The following CADPS variants were observed in gnomAD, a reference collection of about 807,000 sequenced individuals.
CADPS encodes the protein calcium dependent secretion activator, also known as calcium-dependent secretion activator 1.
In CADPS, 57 loss-of-function variants were observed where a neutral mutation model predicts 167.3. The observed-to-expected ratio is 0.34, with a 90% CI of 0.28 to 0.42. The LOEUF is 0.42. Ranked by LOEUF, CADPS falls within the 20% of genes least tolerant of loss-of-function variation. The probability of loss-of-function intolerance (pLI) is 1.00; values close to 1 mark genes in which losing one functional copy is unlikely to be tolerated. For synonymous variants in CADPS, 676 were observed against 635.3 expected, an observed-to-expected ratio of 1.06 and a Z score of -0.96; for missense variants, 1,414 against 1,738.1, an observed-to-expected ratio of 0.81 and a Z score of 3.32.
At chr3:62,832,198 G>A (rs914920826) in intron 1 of CADPS, among the ~76,000 whole-genome samples, 6 of 152,162 alleles carry the variant, frequency 3.9e-5, no homozygotes, top group African/African-American at 1.2e-4. Flanking sequence ...AATCTTGGCT[G>A]CATTTTAGAA....
intron 1 of CADPS, among the ~76,000 whole-genome samples, chr3:62,801,387 T>A (rs2093753772): frequency 6.6e-6 from 1 of 152,148 alleles, no homozygotes; most frequent in Non-Finnish European, 1.5e-5. Flanking sequence ...GCCATAGGGA[T>A]GATGTTAAAG....
chr3:62,761,545 A>G (rs988592528), intron 2 of CADPS, among the ~76,000 whole-genome samples: 1 of 151,904 alleles, frequency 6.6e-6, no homozygotes, highest in Non-Finnish European at 1.5e-5. Context: ...TTTTCTTGCA[A>G]ATACCCCCAT....
chr3:62,799,419 T>C (rs986082368), intron 1 of CADPS, among the ~76,000 whole-genome samples: 1 of 152,142 alleles, frequency 6.6e-6, no homozygotes, highest in Non-Finnish European at 1.5e-5. Flanking sequence ...TGAAACACTC[T>C]TCCTTGATAT....
At chr3:62,820,054 C>T (rs190807784) in intron 1 of CADPS, among the ~76,000 whole-genome samples, 188 of 151,716 alleles carry the variant, frequency 1.2e-3, no homozygotes, top group Middle Eastern at 6.8e-3. Context: ...CATGCACACA[C>T]GATACAAATA....
Position 62,720,013 on chromosome 3 carries a change from A to G in CADPS, c.888+33428T>C, listed in dbSNP as rs2075440159. On this transcript the variant is annotated intron_variant, in intron 3 of 29. Coordinates refer to ENST00000383710, the MANE Select transcript of CADPS (RefSeq NM_003716.4). ...AACGGGGCTGCACCATCAGCCTGGGACATAGGATAACAGAGTCTCTGTCAA... is the reference window on the plus strand; with the variant it reads ...AACGGGGCTGCACCATCAGCCTGGGGCATAGGATAACAGAGTCTCTGTCAA... 3.3e-5 allele frequency among the ~76,000 whole-genome samples: 5 copies of G among 152,298 alleles called. No individual in the cohort carries two copies. The South Asian group carries it at 8.3e-4, about 25-fold the overall frequency.
At chr3:62,416,733 G>A (rs1381559568) in intron 28 of CADPS, among the ~76,000 whole-genome samples, 1 of 152,292 alleles carries the variant, frequency 6.6e-6, no homozygotes, top group Non-Finnish European at 1.5e-5. Context: ...ATTGGTAGGA[G>A]GAAAACTGGA....
At chr3:62,539,097 T>C (rs1165397227) in intron 11 of CADPS, among the ~76,000 whole-genome samples, 2 of 152,316 alleles carry the variant, frequency 1.3e-5, no homozygotes, top group East Asian at 3.9e-4. Flanking sequence ...TTCCTTTCTT[T>C]CTTCTTTCTC....
At chr3:62,672,384 A>G (rs918795719) in intron 3 of CADPS, among the ~76,000 whole-genome samples, 3 of 152,120 alleles carry the variant, frequency 2.0e-5, no homozygotes, top group Non-Finnish European at 2.9e-5. Flanking sequence ...GCATTTGCTC[A>G]TGTTACTCTC....
intron 6 of CADPS, among the ~76,000 whole-genome samples, chr3:62,594,730 G>A (rs925721119): frequency 6.6e-6 from 1 of 152,080 alleles, no homozygotes; most frequent in African/African-American, 2.4e-5. Context: ...ACCTAGCTGG[G>A]AGATCACTTC....
At chr3:62,617,194 GA>G (rs2062451959) in intron 6 of CADPS, among the ~76,000 whole-genome samples, 1 of 152,142 alleles carries the variant, frequency 6.6e-6, no homozygotes, top group Non-Finnish European at 1.5e-5. Flanking sequence ...TATAGTTCAA[GA>G]AATGTCCCAA....
chr3:62,768,547 G>C (rs151053563), intron 1 of CADPS, among the ~76,000 whole-genome samples: 170 of 152,232 alleles, frequency 1.1e-3, no homozygotes, highest in African/African-American at 4.0e-3. Context: ...ATTTAGTTAA[G>C]AAATATTTAT....
At chr3:62,722,001 C>T (rs531005951) in intron 3 of CADPS, among the ~76,000 whole-genome samples, 5 of 152,324 alleles carry the variant, frequency 3.3e-5, no homozygotes, top group African/African-American at 1.2e-4. Flanking sequence ...CTGTCAGGTG[C>T]TAGAAACTCC....
intron 3 of CADPS, among the ~76,000 whole-genome samples, chr3:62,709,537 C>A (rs17066964): frequency 6.6e-6 from 1 of 152,130 alleles, no homozygotes; most frequent in East Asian, 1.9e-4. Flanking sequence ...CTTGGCCCAG[C>A]AACTCCTACC....
chr3:62,858,880 A>G (rs1328891323), intron 1 of CADPS, among the ~76,000 whole-genome samples: 1 of 152,180 alleles, frequency 6.6e-6, no homozygotes, highest in East Asian at 1.9e-4. Flanking sequence ...TGTATTCTAG[A>G]TACCTTTGTT....
intron 1 of CADPS, among the ~76,000 whole-genome samples, chr3:62,850,714 T>A (rs1198116557): frequency 6.6e-6 from 1 of 151,914 alleles, no homozygotes; most frequent in Non-Finnish European, 1.5e-5. Context: ...AATTTTGGAA[T>A]AGGTGTGGTG....
chr3:62,756,521 A>G (rs2083954364), intron 2 of CADPS, among the ~76,000 whole-genome samples: 1 of 152,240 alleles, frequency 6.6e-6, no homozygotes, highest in Non-Finnish European at 1.5e-5. Context: ...GGTGTCAGGA[A>G]TACAACGGTG....
At chr3:62,735,577 A>G (rs1319940858) in intron 3 of CADPS, among the ~76,000 whole-genome samples, 31 of 152,144 alleles carry the variant, frequency 2.0e-4, no homozygotes, top group Admixed American at 2.0e-3. Context: ...CTCCCTTTTC[A>G]ATGCTTGAAT....
intron 3 of CADPS, among the ~76,000 whole-genome samples, chr3:62,733,847 T>C (rs1187171101): frequency 6.6e-6 from 1 of 152,138 alleles, no homozygotes; most frequent in Non-Finnish European, 1.5e-5. Flanking sequence ...CCCCAACTCC[T>C]ACCCTTCCTC....
intron 3 of CADPS, among the ~76,000 whole-genome samples, chr3:62,691,128 A>G (rs1460000716): frequency 6.6e-6 from 1 of 152,012 alleles, no homozygotes. Context: ...AAGTGCACCT[A>G]TGGAGACTGA....
Sources: allele counts gnomAD v4.1 joint callset (sites outside exome capture counted in the v4.1 genomes callset), GRCh38; gene constraint gnomAD v4.1.1; transcripts MANE v1.5; gene names NCBI Gene and HGNC (gene_info 2026-07-23, HGNC 2026-07-21).